Variants in DPYSL3 observed in about 807,000 individuals in gnomAD.
DPYSL3 encodes dihydropyrimidinase-related protein 3.
DPYSL3 carries 16 observed loss-of-function variants against 66.1 expected under a neutral mutation model. The ratio of observed to expected loss-of-function variants is 0.24; its 90% CI spans 0.16 to 0.37. The LOEUF (loss-of-function observed/expected upper bound fraction) is 0.37. DPYSL3 is among the 10% of genes least tolerant of loss of function. The pLI, the probability that DPYSL3 is intolerant of heterozygous loss-of-function variation, is 1.00. For synonymous variants in DPYSL3, 338 were observed against 345.1 expected (o/e 0.98, Z 0.23); for missense variants, 738 against 916.2 (o/e 0.81, Z 2.51).
chr5:147,424,740 C>T (rs1752163626), intron 2 of DPYSL3, 135 bp downstream of exon 2: 2 of 630,418 alleles, frequency 3.2e-6, no homozygotes, highest in South Asian at 2.3e-5. Context: ...CCCAAATTTG[C>T]CCTCAGTATC....
At chr5:147,439,256 A>G (rs1417804571) in intron 1 of DPYSL3, among the ~76,000 whole-genome samples, 1 of 152,186 alleles carries the variant, frequency 6.6e-6, no homozygotes, top group African/African-American at 2.4e-5. Flanking sequence ...TGAAATTTAG[A>G]AAAAGGATAA....
At chr5:147,465,466 A>G (rs1252311665) in intron 1 of DPYSL3, among the ~76,000 whole-genome samples, 1 of 152,012 alleles carries the variant, frequency 6.6e-6, no homozygotes, top group Non-Finnish European at 1.5e-5. Flanking sequence ...CGCCTGGCTA[A>G]TTTTTGTATT....
intron 1 of DPYSL3, among the ~76,000 whole-genome samples, chr5:147,492,821 C>T (rs1363731513): frequency 6.6e-6 from 1 of 152,094 alleles, no homozygotes; most frequent in Admixed American, 6.6e-5. Context: ...CGGTATATAT[C>T]CATCTATAAT....
At chr5:147,480,291 G>T (rs1452954741) in intron 1 of DPYSL3, among the ~76,000 whole-genome samples, 1 of 152,180 alleles carries the variant, frequency 6.6e-6, no homozygotes, top group Non-Finnish European at 1.5e-5. Context: ...GTCAGGTAGA[G>T]ATCCCTCCTC....
At chr5:147,418,412 T>C in intron 3 of DPYSL3, 35 bp downstream of exon 3, 1 of 1,553,068 alleles carries the variant, frequency 6.4e-7, no homozygotes, top group Non-Finnish European at 8.7e-7. Flanking sequence ...CACACACTTC[T>C]GAGAAACAGG....
At chr5:147,471,051 A>G (rs1402219566) in intron 1 of DPYSL3, among the ~76,000 whole-genome samples, 4 of 152,178 alleles carry the variant, frequency 2.6e-5, no homozygotes, top group Admixed American at 1.3e-4. Context: ...TGGGATACAC[A>G]CTGAGTGACT....
At chr5:147,440,098 C>A (rs1370134236) in intron 1 of DPYSL3, among the ~76,000 whole-genome samples, 3 of 152,046 alleles carry the variant, frequency 2.0e-5, no homozygotes, top group Admixed American at 6.6e-5. Context: ...GTCAGGAGAT[C>A]GAGCCCATCC....
At chr5:147,444,958 G>A (rs752270024) in intron 1 of DPYSL3, among the ~76,000 whole-genome samples, 1 of 151,766 alleles carries the variant, frequency 6.6e-6, no homozygotes, top group Non-Finnish European at 1.5e-5. Context: ...CTATCTAGTT[G>A]CTGCTAATAA....
chr5:147,505,656 T>C (rs1316919238), intron 1 of DPYSL3, among the ~76,000 whole-genome samples: 1 of 152,216 alleles, frequency 6.6e-6, no homozygotes, highest in Non-Finnish European at 1.5e-5. Context: ...ACAAAGCATA[T>C]TTTGATTTTA....
At chr5:147,439,482 G>C (rs566615930) in intron 1 of DPYSL3, among the ~76,000 whole-genome samples, 2 of 152,278 alleles carry the variant, frequency 1.3e-5, no homozygotes, top group South Asian at 4.2e-4. Flanking sequence ...CAGGACTGGA[G>C]ACCAGAGAAG....
Position 147,509,375 on chromosome 5 carries a change from G to T in DPYSL3, c.381+103C>A. On this transcript the variant is annotated intron_variant, in intron 1 of 13. Transcript: ENST00000343218. This position sits in a 1 kb window ranked among gnomAD's most constrained non-coding sequence, Gnocchi z 5.3. ...ACCCTTTCCTCCTCCTTGTCCCCCA[G>T]CCCCGTGCAAAGTGAGCTGGAGAAA... 7.2e-7 allele frequency: 1 copy of T among 1,387,876 alleles called. No individual in the cohort carries two copies. The highest frequency in any genetic ancestry group is 9.5e-7 in the Non-Finnish European group (1 of 1,055,218). The allele number at this position is 1,387,876 out of a possible 1,614,324, so 86.0% of individuals were successfully genotyped here.
rs759671041 is a variant in DPYSL3 at position 147,401,669 on chromosome 5, G to C, written c.1181C>G (p.Thr394Ser). The change falls in exon 9 of 14, where the codon ACT becomes AGT. Residue 394 changes from threonine to serine, a missense_variant. Coordinates refer to ENST00000343218, the MANE Select transcript of DPYSL3 (RefSeq NM_001197294.2). ...KGNVVFGEPITASLGIDGTHY... is the reference protein window; with the variant it reads ...KGNVVFGEPISASLGIDGTHY... ...GGTTCCATCTATGCCGAGGCTGGCA[G>C]TGATGGGCTCACCAAAGACTACATT... 1.5e-5 allele frequency: 25 copies of C among 1,614,036 alleles called. No individual in the cohort carries two copies. In the Admixed American group the frequency reaches 2.0e-4, roughly 13 times the overall value.
In DPYSL3 at chr5:147,415,652, G is replaced by T. The variant is rs547651536; in HGVS notation, c.820+57C>A. 30 of 1,582,428 alleles carry T rather than the reference G, an allele frequency of 1.9e-5. No individual in the cohort carries two copies. The African/African-American group carries it at 3.9e-4, about 20-fold the overall frequency. ...GTGACTGAAATGAGTGGATGGTGTT[G>T]GAAGGACTGGCAAGAAGAAGCTAAG... On this transcript the variant is annotated intron_variant, in intron 4 of 13. Transcript: ENST00000343218.
At chr5:147,506,777 G>A (rs1245352478) in intron 1 of DPYSL3, among the ~76,000 whole-genome samples, 1 of 152,118 alleles carries the variant, frequency 6.6e-6, no homozygotes, top group African/African-American at 2.4e-5. Context: ...GGTACCCAGA[G>A]GCTAAGTTAC....
intron 1 of DPYSL3, among the ~76,000 whole-genome samples, chr5:147,478,130 T>A (rs925934180): frequency 6.6e-5 from 10 of 152,218 alleles, no homozygotes; most frequent in Admixed American, 6.5e-4. Flanking sequence ...TATCTCTCAG[T>A]CTCACAGAAC....
At chr5:147,397,189 TACACAC>T (rs1382753889) in intron 12 of DPYSL3, among the ~76,000 whole-genome samples, 1 of 147,222 alleles carries the variant, frequency 6.8e-6, no homozygotes, top group African/African-American at 2.5e-5. Flanking sequence ...TATATATATA[TACACAC>T]ATATCTCTGT....
intron 3 of DPYSL3, among the ~76,000 whole-genome samples, chr5:147,418,217 A>G (rs906882923): frequency 6.6e-6 from 1 of 152,204 alleles, no homozygotes; most frequent in South Asian, 2.1e-4. Flanking sequence ...GCTAAGGTAG[A>G]CAAGAGGGCA....
At chr5:147,482,817 A>T (rs143949105) in intron 1 of DPYSL3, among the ~76,000 whole-genome samples, 114 of 152,348 alleles carry the variant, frequency 7.5e-4, no homozygotes, top group African/African-American at 2.5e-3. Flanking sequence ...TAATTGACTC[A>T]CAGTTCTGCA....
intron 1 of DPYSL3, among the ~76,000 whole-genome samples, chr5:147,429,125 A>G (rs1172096209): frequency 6.6e-6 from 1 of 152,116 alleles, no homozygotes; most frequent in Non-Finnish European, 1.5e-5. Flanking sequence ...AATTATGTAT[A>G]TATATAAAGA....
Sources: allele counts gnomAD v4.1 joint callset (sites outside exome capture counted in the v4.1 genomes callset), GRCh38; gene constraint gnomAD v4.1.1; non-coding constraint Gnocchi (gnomAD v3.1); transcripts MANE v1.5; gene names NCBI Gene and HGNC (gene_info 2026-07-23, HGNC 2026-07-21).